Variants in CYLC1 observed in about 807,000 individuals in gnomAD.
CYLC1 encodes cylicin 1.
A neutral mutation model predicts 31.6 loss-of-function variants in CYLC1; 2 were observed. The ratio of observed to expected loss-of-function variants is 0.06; its 90% confidence interval spans 0.03 to 0.20. The LOEUF is 0.20. CYLC1 is among the 10% of genes least tolerant of loss of function. The pLI, the probability that CYLC1 is intolerant of heterozygous loss-of-function variation, is 1.00. For missense variants in CYLC1, 595 were observed against 424.1 expected (o/e 1.40, Z -3.54); for synonymous variants, 185 against 153.0 (o/e 1.21, Z -1.54).
At chrX:83,868,403 G>A (rs1294139743) in intron 1 of CYLC1, among the ~76,000 whole-genome samples, 1 of 110,359 alleles carries the variant, frequency 9.1e-6, no homozygotes, top group African/African-American at 3.3e-5. Context: ...CTAGATAACG[G>A]GAGCTCAATA....
chrX:83,868,685 T>A (rs186072548), intron 1 of CYLC1, among the ~76,000 whole-genome samples: 1 of 111,258 alleles, frequency 9.0e-6, no homozygotes, highest in East Asian at 2.8e-4. Flanking sequence ...AACTTTGGTA[T>A]AATTTGTGTG....
rs757475394 is a variant in CYLC1, at chrX:83,871,619, G to A, written c.177+49G>A. The A allele has an allele frequency of 2.3e-5, 25 of 1,097,996 alleles. No homozygotes were observed. In the East Asian group the frequency reaches 7.2e-4, roughly 32 times the overall value. The allele number at this position is 1,097,996 out of a possible 1,213,427, so 90.5% of individuals were successfully genotyped here. ...TAAAAACGAAATCTAAGTTGGTAAA[G>A]CATATATAAATATAAGTAAGGCCTA... On this transcript the variant is annotated intron_variant, in intron 3 of 4. Transcript: ENST00000329312.
At chrX:83,872,718 TACACACACACAC>T (rs61531587) in intron 3 of CYLC1, among the ~76,000 whole-genome samples, 156 bp from the exon 4 acceptor site, 1 of 92,035 alleles carries the variant, frequency 1.1e-5, no homozygotes, top group Non-Finnish European at 2.2e-5. Flanking sequence ...GTCTCTCTCT[TACACACACACAC>T]ACACACACAC....
intron 4 of CYLC1, among the ~76,000 whole-genome samples, chrX:83,880,865 A>G (rs2031897987): frequency 9.0e-6 from 1 of 111,598 alleles, no homozygotes; most frequent in South Asian, 3.7e-4. Flanking sequence ...TTCAACAAAT[A>G]AACCAATCAA....
At chrX:83,875,984 C>T (rs192738247) in intron 4 of CYLC1, among the ~76,000 whole-genome samples, 1 of 110,544 alleles carries the variant, frequency 9.0e-6, no homozygotes, top group Admixed American at 9.8e-5. Flanking sequence ...CTCCTCATTT[C>T]TCCCCCTTGT....
chrX:83,861,191 T>A lies in CYLC1; in HGVS notation c.9T>A (p.Leu3=). 2 of 1,198,273 alleles carry A rather than the reference T, an allele frequency of 1.7e-6. No homozygotes were observed. Among genetic ancestry groups the A allele is most frequent in the Non-Finnish European group, 2.3e-6 (2 of 885,998 alleles). Residue 3 remains leucine, a synonymous_variant, in exon 1 of 5, where the codon CTT becomes CTA. Transcript: ENST00000329312. The part of the protein sequence containing the change: MS[L]PRLLKVNIRT... ...ACGTACAGGCAGGGGAAATGTCTCT[T>A]CCAAGGTTGTAAGTCCTCTTTTTAA...
intron 1 of CYLC1, among the ~76,000 whole-genome samples, chrX:83,866,107 A>C (rs1003637619): frequency 1.8e-5 from 2 of 111,782 alleles, no homozygotes; most frequent in Non-Finnish European, 3.8e-5. Flanking sequence ...TAAATCAGAT[A>C]TAGTGAGATT....
chrX:83,878,875 G>T (rs1224453452), intron 4 of CYLC1, among the ~76,000 whole-genome samples: 1 of 103,642 alleles, frequency 9.6e-6, no homozygotes, highest in Non-Finnish European at 2.0e-5. Context: ...TTTAATATGG[G>T]CTTGAAGAAT....
rs1371607996 is a variant in CYLC1 at position 83,883,396 on chromosome X, T to TTATC, written c.1924-3151_1924-3148dup. Among the ~76,000 whole-genome samples the TTATC allele has an allele frequency of 4.5e-5, 5 of 112,081 alleles. No individual in the cohort carries two copies. In the East Asian group the frequency reaches 1.4e-3, roughly 31 times the overall value. ...AATTATCAATCTTTATTACTATGTT[T>TTATC]TATCTATCAATAAATATTCCTTGAG... On this transcript the variant is annotated intron_variant, in intron 4 of 4. Transcript: ENST00000329312.
rs2031701126 is a variant in CYLC1, at chrX:83,873,296, A to G, written c.588A>G (p.Ser196=). The part of the protein sequence containing the change: ...QNSKTVSKNC[S]QKDKKDSKNS... ...CTAAGACAGTCTCAAAAAATTGTTC[A>G]CAAAAAGATAAGAAAGATTCAAAGA... Residue 196 remains serine, a synonymous_variant, in exon 4 of 5, where the codon TCA becomes TCG. Coordinates refer to ENST00000329312, the MANE Select transcript of CYLC1 (RefSeq NM_021118.3). 8.3e-7 allele frequency: 1 copy of G among 1,200,511 alleles called. No individual in the cohort carries two copies. The highest frequency in any genetic ancestry group is 2.3e-5 in the Admixed American group (1 of 44,007).
intron 4 of CYLC1, among the ~76,000 whole-genome samples, chrX:83,881,411 C>T (rs1164651073): frequency 2.7e-5 from 3 of 109,700 alleles, no homozygotes; most frequent in Middle Eastern, 4.6e-3. Context: ...GTATGGCTAG[C>T]ATAGTGGGAT....
intron 1 of CYLC1, among the ~76,000 whole-genome samples, chrX:83,863,163 T>A (rs981439160): frequency 8.9e-6 from 1 of 111,896 alleles, no homozygotes; most frequent in African/African-American, 3.2e-5. Flanking sequence ...CAATCTCATA[T>A]CTAACATTTT....
intron 1 of CYLC1, 30 bp from the exon 2 acceptor site, chrX:83,869,835 T>C: frequency 1.4e-6 from 1 of 734,712 alleles, no homozygotes; most frequent in Non-Finnish European, 1.8e-6. Flanking sequence ...ATAATACAAA[T>C]TTAATTAAAG....
chrX:83,878,131 T>A (rs1435240572), intron 4 of CYLC1, among the ~76,000 whole-genome samples: 2 of 50,151 alleles, frequency 4.0e-5, no homozygotes, highest in Non-Finnish European at 6.3e-5. Flanking sequence ...TATAAATATA[T>A]ATATAAAAAT....
chrX:83,867,198 G>A (rs2031603777), intron 1 of CYLC1, among the ~76,000 whole-genome samples: 1 of 111,606 alleles, frequency 9.0e-6, no homozygotes, highest in Non-Finnish European at 1.9e-5. Flanking sequence ...TCTCAAAGAT[G>A]ATTTAGGCTT....
intron 4 of CYLC1, among the ~76,000 whole-genome samples, chrX:83,878,017 AAAATATATATATTTGTATATAAATAT>A (rs1569335637): frequency 9.6e-5 from 5 of 52,244 alleles, no homozygotes; most frequent in Non-Finnish European, 1.3e-4. Context: ...TATATATATA[AAAATATATATATTTGTATATAAATAT>A]AAATATATAT....
chrX:83,862,780 T>C (rs1008102143), intron 1 of CYLC1, among the ~76,000 whole-genome samples: 2 of 111,526 alleles, frequency 1.8e-5, no homozygotes, highest in Non-Finnish European at 3.8e-5. Context: ...CTCCTCTGAC[T>C]CCAATCTGAA....
intron 4 of CYLC1, among the ~76,000 whole-genome samples, chrX:83,879,598 C>T (rs1342298632): frequency 9.0e-6 from 1 of 111,226 alleles, no homozygotes; most frequent in Non-Finnish European, 1.9e-5. Context: ...TTTTGCTTAT[C>T]TCTCTACTTC....
intron 4 of CYLC1, among the ~76,000 whole-genome samples, chrX:83,880,330 C>G (rs1298041027): frequency 8.9e-6 from 1 of 111,845 alleles, no homozygotes; most frequent in African/African-American, 3.2e-5. Flanking sequence ...AAAACTAGTC[C>G]TTAGTAAATA....
Sources: gnomAD v4.1 joint callset for allele counts (sites outside exome capture counted in the v4.1 genomes callset) on GRCh38, gnomAD v4.1.1 for gene constraint, MANE v1.5 for transcripts, NCBI Gene and HGNC (gene_info 2026-07-23, HGNC 2026-07-21) for gene names.